The following IRAK4 variants were observed in gnomAD, a reference collection of about 807,000 sequenced individuals.
IRAK4 encodes interleukin 1 receptor associated kinase 4, also known as interleukin-1 receptor-associated kinase 4.
A neutral mutation model predicts 51.8 loss-of-function variants in IRAK4; 44 were observed. That is an observed-to-expected ratio of 0.85 (90% CI 0.67 to 1.09). IRAK4 has a LOEUF of 1.09. Among genes scored for constraint, IRAK4 ranks in the 50% least tolerant of loss-of-function variants. IRAK4 has a pLI of 0.00. For missense variants in IRAK4, 487 were observed against 538.0 expected, an observed-to-expected ratio of 0.91 and a Z score of 0.94; for synonymous variants, 149 against 174.1, an observed-to-expected ratio of 0.86 and a Z score of 1.13.
At chr12:43,772,838 T>C in intron 4 of IRAK4, 74 bp from the exon 5 acceptor site, 1 of 1,110,294 alleles carries the variant, frequency 9.0e-7, no homozygotes, top group Admixed American at 2.2e-5. Context: ...ATGTGAAATC[T>C]TCAAATGAGA....
At position 43,787,908 on chromosome 12, in the gene IRAK4, T is replaced by C. The variant is rs1942316351; in HGVS notation, c.*1193T>C. Reference sequence around the variant, plus strand: ...CCCGTCTCTACTAAAAATACAAAAATTAGACGAGCGTGGTGGTGGACACCT... The same window carrying C: ...CCCGTCTCTACTAAAAATACAAAAACTAGACGAGCGTGGTGGTGGACACCT... On this transcript the variant is annotated 3_prime_UTR_variant, in exon 12 of 12. Transcript: ENST00000613694. 1 of 152,032 alleles carries C rather than the reference T, an allele frequency of 6.6e-6. No individual in the cohort carries two copies. Among genetic ancestry groups the C allele is most frequent in the Non-Finnish European group, 1.5e-5 (1 of 68,074 alleles). 9.4% of individuals were successfully genotyped at this position (152,032 alleles called of 1,614,324 possible).
chr12:43,769,336 G>A (rs189459654), intron 2 of IRAK4, among the ~76,000 whole-genome samples: 5 of 152,172 alleles, frequency 3.3e-5, no homozygotes, highest in African/African-American at 4.8e-5. Context: ...GGTTGTTCTC[G>A]TGCATGTGAG....
rs1941020858 is a variant in IRAK4, at chr12:43,773,859, C to G, written c.652-106C>G. ...TCTGTAGAATTGGGAGAATAATACACTATTGTTTTAAAGAAAGGGAGATGA... is the reference window on the plus strand; with the variant it reads ...TCTGTAGAATTGGGAGAATAATACAGTATTGTTTTAAAGAAAGGGAGATGA... On this transcript the variant is annotated intron_variant, in intron 5 of 11. Transcript: ENST00000613694. 3 of 732,600 alleles carry G rather than the reference C, an allele frequency of 4.1e-6. No individual in the cohort carries two copies. The African/African-American group carries it at 5.2e-5, about 13-fold the overall frequency. 45.4% of individuals were successfully genotyped at this position (732,600 alleles called of 1,614,324 possible). A position where few individuals can be genotyped will look rare whatever the true frequency, so the allele number is the denominator to read the frequency against.
chr12:43,777,578 G>A, intron 6 of IRAK4, 52 bp from the exon 7 acceptor site: 10 of 1,505,292 alleles, frequency 6.6e-6, no homozygotes, highest in Non-Finnish European at 9.0e-6. Flanking sequence ...CCAACCTATA[G>A]CTGAATATAT....
rs140967281 is a variant in IRAK4 at position 43,768,358 on chromosome 12, G to T, written c.161+86G>T. The stretch of plus-strand genomic sequence containing the variant: ...GGTATAAGTACTGTCTAATGTGGCA[G>T]TTTAGAAAGTAAACCTCTCCACTAT... On this transcript the variant is annotated intron_variant, in intron 2 of 11. Coordinates refer to ENST00000613694, the MANE Select transcript of IRAK4 (RefSeq NM_016123.4). 6.0e-4 allele frequency: 604 copies of T among 1,006,312 alleles called. 6 individuals carry two copies. The East Asian group carries it at 0.015, about 26-fold the overall frequency. The allele number at this position is 1,006,312 out of a possible 1,614,324, so 62.3% of individuals were successfully genotyped here.
intron 6 of IRAK4, 102 bp from the exon 7 acceptor site, chr12:43,777,527 AT>A (rs1361331219): frequency 9.1e-6 from 9 of 994,178 alleles, no homozygotes; most frequent in Middle Eastern, 6.2e-4. Context: ...ATAACATACT[AT>A]TTTTTTGCTC....
At chr12:43,765,526 T>C (rs1279089678) in intron 1 of IRAK4, among the ~76,000 whole-genome samples, 1 of 152,168 alleles carries the variant, frequency 6.6e-6, no homozygotes, top group Non-Finnish European at 1.5e-5. Flanking sequence ...GTTGCTGTGG[T>C]AGAGGTTCTT....
chr12:43,780,070 T>C (rs1941641584), intron 8 of IRAK4, among the ~76,000 whole-genome samples: 1 of 151,468 alleles, frequency 6.6e-6, no homozygotes, highest in Admixed American at 6.6e-5. Flanking sequence ...GAGTGTGGAG[T>C]CCCTGAAAAC....
chr12:43,768,124 A>G lies in IRAK4; in HGVS notation c.13A>G (p.Ile5Val), dbSNP rs56312115. The G allele has an allele frequency of 7.8e-5, 126 of 1,613,602 alleles. No individual in the cohort carries two copies. In the East Asian group the frequency reaches 2.5e-3, roughly 31 times the overall value. MNKPITPSTYVRCLN... is the reference protein window; with the variant it reads MNKPVTPSTYVRCLN... ...TTAGGAATAGAAGATGAACAAACCC[A>G]TAACACCATCAACATATGTGCGCTG... Residue 5 changes from isoleucine to valine, a missense_variant, in exon 2 of 12, where the codon ATA (isoleucine) becomes GTA (valine). Coordinates refer to ENST00000613694, the MANE Select transcript of IRAK4 (RefSeq NM_016123.4).
At chr12:43,763,916 A>T (rs762502481) in intron 1 of IRAK4, among the ~76,000 whole-genome samples, 7 of 152,180 alleles carry the variant, frequency 4.6e-5, no homozygotes, top group Non-Finnish European at 7.3e-5. Context: ...CTTTTCTAGA[A>T]GTCTCTGGTA....
In IRAK4 at chr12:43,772,362, C is replaced by T. The variant is rs1356778259; in HGVS notation, c.490C>T (p.Arg164Cys). Residue 164 changes from arginine (R) to cysteine (C), a missense_variant and splice_region_variant, in exon 4 of 12, where the codon CGT (arginine) becomes TGT (cysteine). Coordinates refer to ENST00000613694, the MANE Select transcript of IRAK4 (RefSeq NM_016123.4). Reference protein sequence around the residue: ...ENKSLEVSDTRFHSFSFYELK... With the variant: ...ENKSLEVSDTCFHSFSFYELK... The stretch of plus-strand genomic sequence containing the variant: ...TAAAAGTTTAGAAGTTAGTGATACA[C>T]GTAAGTAACATTTTCAGTGCTTTCC... The T allele has an allele frequency of 1.1e-5, 18 of 1,609,986 alleles. No homozygotes were observed. Among genetic ancestry groups the T allele is most frequent in the East Asian group, 4.5e-5 (2 of 44,856 alleles).
intron 2 of IRAK4, among the ~76,000 whole-genome samples, chr12:43,769,766 A>G (rs1244607064): frequency 2.6e-5 from 4 of 152,242 alleles, no homozygotes; most frequent in Admixed American, 6.5e-5. Flanking sequence ...AAACTTTAGC[A>G]CCAATAATAA....
At chr12:43,784,263 A>T (rs1351057060) in intron 10 of IRAK4, among the ~76,000 whole-genome samples, 1 of 152,180 alleles carries the variant, frequency 6.6e-6, no homozygotes, top group African/African-American at 2.4e-5. Context: ...AACACAGAAG[A>T]TTTCTGTGAC....
At chr12:43,769,401 T>G (rs1269539261) in intron 2 of IRAK4, among the ~76,000 whole-genome samples, 1 of 152,196 alleles carries the variant, frequency 6.6e-6, no homozygotes, top group Non-Finnish European at 1.5e-5. Context: ...GGCTCATGCC[T>G]GTAATCCTAA....
At chr12:43,784,265 T>C (rs534205666) in intron 10 of IRAK4, among the ~76,000 whole-genome samples, 2 of 152,300 alleles carry the variant, frequency 1.3e-5, no homozygotes, top group South Asian at 2.1e-4. Flanking sequence ...CACAGAAGAT[T>C]TCTGTGACCA....
rs376509066 is a variant in IRAK4 at position 43,777,766 on chromosome 12, T to C, written c.831+22T>C. 1.9e-4 allele frequency: 305 copies of C among 1,574,184 alleles called. 2 individuals are homozygous for C. The highest frequency in any genetic ancestry group is 1.7e-3 in the Middle Eastern group (10 of 5,990). On this transcript the variant is annotated intron_variant, in intron 7 of 11. Coordinates refer to ENST00000613694, the MANE Select transcript of IRAK4 (RefSeq NM_016123.4). Reference sequence around the variant, plus strand: ...CTTGGTAAGCTATTTGTTCATCAGATTGTTTGGCTTTTTGTTTATATGCTG... The same window carrying C: ...CTTGGTAAGCTATTTGTTCATCAGACTGTTTGGCTTTTTGTTTATATGCTG...
chr12:43,770,533 CAT>C (rs1940638046), intron 2 of IRAK4, among the ~76,000 whole-genome samples: 1 of 152,154 alleles, frequency 6.6e-6, no homozygotes, highest in African/African-American at 2.4e-5. Flanking sequence ...TGAACATGCT[CAT>C]GTGTGTGCAT....
intron 1 of IRAK4, among the ~76,000 whole-genome samples, chr12:43,766,439 A>C (rs1940157338): frequency 6.6e-6 from 1 of 151,878 alleles, no homozygotes; most frequent in African/African-American, 2.4e-5. Flanking sequence ...GGGCCCCATA[A>C]CATTCTTGCA....
chr12:43,766,962 G>C (rs930935913), intron 1 of IRAK4, among the ~76,000 whole-genome samples: 2 of 152,176 alleles, frequency 1.3e-5, no homozygotes, highest in Non-Finnish European at 2.9e-5. Context: ...AGGGCAGCTA[G>C]ACCTATTTAG....
Sources: allele counts gnomAD v4.1 joint callset (sites outside exome capture counted in the v4.1 genomes callset), GRCh38; gene constraint gnomAD v4.1.1; transcripts MANE v1.5; gene names NCBI Gene and HGNC (gene_info 2026-07-23, HGNC 2026-07-21).